KHDRBS2: variants seen among roughly 807,000 people sequenced by gnomAD.
KHDRBS2 encodes the protein KH domain-containing, RNA-binding, signal transduction-associated protein 2.
In KHDRBS2, 26 loss-of-function variants were observed where a neutral mutation model predicts 44.3. The observed-to-expected ratio is 0.59, with a 90% confidence interval of 0.43 to 0.81. The LOEUF (loss-of-function observed/expected upper bound fraction) is 0.81, where lower values mean the gene tolerates loss of function less well. KHDRBS2 is among the 40% of genes least tolerant of loss of function. KHDRBS2 has a pLI of 0.00. For missense variants in KHDRBS2, 476 were observed against 433.1 expected (o/e 1.10, Z -0.88); for synonymous variants, 194 against 151.1 (o/e 1.28, Z -2.08).
At chr6:62,128,337 C>G (rs931273568) in intron 2 of KHDRBS2, among the ~76,000 whole-genome samples, 8 of 152,030 alleles carry the variant, frequency 5.3e-5, no homozygotes, top group African/African-American at 1.9e-4. Flanking sequence ...ATATTTCAGT[C>G]TACTTTTAAT....
At chr6:61,656,070 C>T in the KHDRBS2 span, among the ~76,000 whole-genome samples, 5 of 151,996 alleles carry the variant, frequency 3.3e-5, no homozygotes, top group Non-Finnish European at 1.5e-5. Context: ...AATTATTCCA[C>T]CTTTCATTTA....
At chr6:61,775,381 T>C (rs1231151135) in intron 6 of KHDRBS2, among the ~76,000 whole-genome samples, 1 of 152,074 alleles carries the variant, frequency 6.6e-6, no homozygotes, top group Non-Finnish European at 1.5e-5. Context: ...TGATTGTACA[T>C]CTAGAAAACC....
chr6:61,544,579 T>C, the KHDRBS2 span, among the ~76,000 whole-genome samples: 1 of 152,242 alleles, frequency 6.6e-6, no homozygotes, highest in Admixed American at 6.6e-5. Context: ...AGAGAAAATC[T>C]TGAAATCATT....
At chr6:62,199,017 G>T (rs555492134) in intron 1 of KHDRBS2, among the ~76,000 whole-genome samples, 1 of 152,202 alleles carries the variant, frequency 6.6e-6, no homozygotes, top group South Asian at 2.1e-4. Flanking sequence ...TGCAGAAAAG[G>T]CGTTAGACAA....
intron 1 of KHDRBS2, among the ~76,000 whole-genome samples, chr6:62,284,145 A>G (rs1311784488): frequency 6.6e-6 from 1 of 152,190 alleles, no homozygotes; most frequent in East Asian, 1.9e-4. Flanking sequence ...TTTACCAGCC[A>G]CAGAAATACT....
intron 6 of KHDRBS2, among the ~76,000 whole-genome samples, chr6:61,771,525 G>A (rs925490899): frequency 6.9e-4 from 105 of 152,100 alleles, no homozygotes; most frequent in African/African-American, 2.5e-3. Flanking sequence ...AAAAAAGGCA[G>A]GAGTTGCAAT....
At chr6:62,201,845 A>G (rs1412593212) in intron 1 of KHDRBS2, among the ~76,000 whole-genome samples, 1 of 152,032 alleles carries the variant, frequency 6.6e-6, no homozygotes, top group African/African-American at 2.4e-5. Flanking sequence ...AGACATGTCA[A>G]TGTTTACACA....
intron 4 of KHDRBS2, among the ~76,000 whole-genome samples, chr6:61,954,933 CAT>C (rs1341707549): frequency 1.0e-5 from 1 of 96,206 alleles, no homozygotes; most frequent in Non-Finnish European, 2.5e-5. Context: ...TATACACATA[CAT>C]ATGTATGTGT....
intron 2 of KHDRBS2, among the ~76,000 whole-genome samples, chr6:62,055,060 T>G (rs541224370): frequency 2.0e-4 from 31 of 152,130 alleles, no homozygotes; most frequent in African/African-American, 7.5e-4. Context: ...GAAGAAAATT[T>G]TCTAATATTT....
At chr6:61,927,159 TAAC>T (rs908881018) in intron 4 of KHDRBS2, among the ~76,000 whole-genome samples, 3 of 151,784 alleles carry the variant, frequency 2.0e-5, no homozygotes, top group Admixed American at 1.3e-4. Context: ...GAGGCAAGAG[TAAC>T]AACAACAACA....
intron 7 of KHDRBS2, among the ~76,000 whole-genome samples, chr6:61,718,900 C>A (rs1771886480): frequency 6.6e-6 from 1 of 152,104 alleles, no homozygotes; most frequent in Non-Finnish European, 1.5e-5. Context: ...AATTCCCCGC[C>A]CCCACACTGT....
intron 6 of KHDRBS2, among the ~76,000 whole-genome samples, chr6:61,892,566 G>A (rs1173545037): frequency 6.6e-6 from 1 of 152,054 alleles, no homozygotes; most frequent in Non-Finnish European, 1.5e-5. Context: ...ACAGACCAAT[G>A]GAACAGAACA....
At chr6:61,824,049 A>G (rs529516498) in intron 6 of KHDRBS2, among the ~76,000 whole-genome samples, 3 of 152,258 alleles carry the variant, frequency 2.0e-5, no homozygotes, top group African/African-American at 7.2e-5. Flanking sequence ...TTTTAATAAT[A>G]CAAGATATGC....
intron 6 of KHDRBS2, among the ~76,000 whole-genome samples, chr6:61,863,663 T>A (rs1797351240): frequency 6.6e-6 from 1 of 152,280 alleles, no homozygotes. Flanking sequence ...CTAACTATTT[T>A]AGTTCTTCTG....
At chr6:61,566,003 G>A in the KHDRBS2 span, among the ~76,000 whole-genome samples, 1 of 104,778 alleles carries the variant, frequency 9.5e-6, no homozygotes, top group African/African-American at 3.7e-5. Flanking sequence ...AATGTGGTGT[G>A]TGTGTGTGTG....
chr6:61,599,352 A>G, the KHDRBS2 span, among the ~76,000 whole-genome samples: 122,860 of 152,108 alleles, frequency 0.81, 50,125 homozygotes, highest in African/African-American at 0.91. Flanking sequence ...TGTTTCATAA[A>G]TGATTCAAGC....
At chr6:61,948,728 G>C (rs1764130741) in intron 4 of KHDRBS2, among the ~76,000 whole-genome samples, 2 of 149,712 alleles carry the variant, frequency 1.3e-5, no homozygotes, top group Non-Finnish European at 3.0e-5. Flanking sequence ...GCCCAGGCTG[G>C]TCTTGAACTC....
At chr6:61,660,841 G>A in the KHDRBS2 span, among the ~76,000 whole-genome samples, 2 of 151,738 alleles carry the variant, frequency 1.3e-5, no homozygotes, top group Non-Finnish European at 1.5e-5. Context: ...GCAAAGGCTC[G>A]ATAAAGAGCC....
chr6:62,171,759 T>C (rs1173019696), intron 2 of KHDRBS2, among the ~76,000 whole-genome samples: 1 of 152,098 alleles, frequency 6.6e-6, no homozygotes, highest in Non-Finnish European at 1.5e-5. Flanking sequence ...CCAGAAGAGA[T>C]TGAGGGCCTA....
Sources: gnomAD v4.1 joint callset for allele counts (sites outside exome capture counted in the v4.1 genomes callset) on GRCh38, gnomAD v4.1.1 for gene constraint, MANE v1.5 for transcripts, NCBI Gene and HGNC (gene_info 2026-07-23, HGNC 2026-07-21) for gene names.